ANK1: variants seen among roughly 807,000 people sequenced by gnomAD.
The protein encoded by ANK1 is ankyrin-1.
Under a neutral mutation model 210.4 loss-of-function variants are expected in ANK1, and 51 were observed. That is an observed-to-expected ratio of 0.24 (90% confidence interval 0.19 to 0.31). ANK1 has a LOEUF of 0.31. Among genes scored for constraint, ANK1 ranks in the 10% least tolerant of loss-of-function variants. The pLI is 1.00. For missense variants in ANK1, 2,051 were observed against 2,504.4 expected (o/e 0.82, Z 3.86); for synonymous variants, 967 against 1,025.9 (o/e 0.94, Z 1.10).
upstream of ANK1, among the ~76,000 whole-genome samples, chr8:41,801,968 T>G (rs1473038592): frequency 2.6e-5 from 4 of 152,226 alleles, no homozygotes; most frequent in Non-Finnish European, 4.4e-5. Flanking sequence ...ATATTTATTT[T>G]ATAGGGTTTT....
At chr8:41,655,793 A>G (rs1241911703) in intron 42 of ANK1, 40 bp from the exon 43 acceptor site, 2 of 1,607,058 alleles carry the variant, frequency 1.2e-6, no homozygotes, top group African/African-American at 1.3e-5. Flanking sequence ...TTAGAATGCA[A>G]AAGTGCAACG....
chr8:41,744,515 G>A (rs560307340), intron 2 of ANK1, among the ~76,000 whole-genome samples: 1 of 151,144 alleles, frequency 6.6e-6, no homozygotes, highest in East Asian at 2.0e-4. Flanking sequence ...CCAGGAGTGG[G>A]GAGGGAGCAT....
At chr8:41,678,076 C>A (rs1489185782) in intron 37 of ANK1, among the ~76,000 whole-genome samples, 1 of 152,070 alleles carries the variant, frequency 6.6e-6, no homozygotes, top group East Asian at 1.9e-4. Context: ...GTTCATCAAA[C>A]TTGTTGGATC....
rs1586241239 is a variant in ANK1, at chr8:41,702,133, T to G, written c.2307A>C (p.Thr769=). The change falls in exon 21 of 43, where the codon ACA becomes ACC. Residue 769 remains threonine, a synonymous_variant. Transcript: ENST00000289734. ...SPNEVSSDGT[T]PLAIAKRLGY... ...CCAAGCGCTTGGCTATGGCCAGAGGTGTGGTTCCATCCTGGGGAAAGAGCA... is the reference window on the plus strand; with the variant it reads ...CCAAGCGCTTGGCTATGGCCAGAGGGGTGGTTCCATCCTGGGGAAAGAGCA... 1 of 1,613,564 alleles carries G rather than the reference T, an allele frequency of 6.2e-7. No individual in the cohort carries two copies.
At chr8:41,764,308 G>A (rs145955372) in intron 1 of ANK1, among the ~76,000 whole-genome samples, 265 of 152,222 alleles carry the variant, frequency 1.7e-3, no homozygotes, top group African/African-American at 5.7e-3. Flanking sequence ...AGCCCCTACT[G>A]CCCATCTGTG....
At position 41,741,914 on chromosome 8, in the gene ANK1, T is replaced by C. The variant is rs185407795; in HGVS notation, c.130-7845A>G. Among the ~76,000 whole-genome samples, 11 of 152,344 alleles carry C rather than the reference T, an allele frequency of 7.2e-5. No individual in the cohort carries two copies. In the East Asian group the frequency reaches 1.7e-3, roughly 24 times the overall value. On this transcript the variant is annotated intron_variant, in intron 2 of 42. Transcript: ENST00000289734. ...GGTCCTAACATAGGAGATAACCTTTTAAGGCTCTTTTTGGCAAAAATCTTC... is the reference window on the plus strand; with the variant it reads ...GGTCCTAACATAGGAGATAACCTTTCAAGGCTCTTTTTGGCAAAAATCTTC...
chr8:41,720,139 T>C (rs1828877794), intron 9 of ANK1, among the ~76,000 whole-genome samples: 1 of 152,232 alleles, frequency 6.6e-6, no homozygotes, highest in Non-Finnish European at 1.5e-5. Flanking sequence ...TTTCCTTATC[T>C]GCACCATGCG....
chr8:41,687,267 A>G (rs1817942906), intron 35 of ANK1, among the ~76,000 whole-genome samples: 1 of 152,262 alleles, frequency 6.6e-6, no homozygotes. Context: ...GTTATAATTA[A>G]GCATTCACCA....
At chr8:41,746,848 C>A (rs1836278785) in intron 2 of ANK1, among the ~76,000 whole-genome samples, 1 of 149,354 alleles carries the variant, frequency 6.7e-6, no homozygotes. Flanking sequence ...AGCATCTATG[C>A]CCGAGATCTT....
intron 1 of ANK1, among the ~76,000 whole-genome samples, chr8:41,856,858 G>A (rs1812256518): frequency 6.7e-6 from 1 of 148,664 alleles, no homozygotes; most frequent in South Asian, 2.1e-4. Flanking sequence ...CTTTCGCCTT[G>A]GTGCTTAACA....
intron 1 of ANK1, chr8:41,828,371 T>C: frequency 6.5e-6 from 1 of 154,738 alleles, no homozygotes; most frequent in Middle Eastern, 5.2e-4. Context: ...CGACACTCCA[T>C]GAACTCTCAT....
At chr8:41,782,137 C>T (rs1845468081) in intron 1 of ANK1, among the ~76,000 whole-genome samples, 1 of 152,238 alleles carries the variant, frequency 6.6e-6, no homozygotes, top group South Asian at 2.1e-4. Context: ...CTCCATCTCA[C>T]TTGGGCCCGG....
chr8:41,869,251 CG>C (rs1217143472), intron 1 of ANK1, among the ~76,000 whole-genome samples: 3 of 152,180 alleles, frequency 2.0e-5, no homozygotes, highest in Non-Finnish European at 4.4e-5. Context: ...GGCAGGAGCC[CG>C]TTGCCCTCCT....
At chr8:41,768,800 CAAA>C (rs34057212) in intron 1 of ANK1, among the ~76,000 whole-genome samples, 406 of 130,866 alleles carry the variant, frequency 3.1e-3, no homozygotes, top group African/African-American at 0.01. Context: ...CCTGTCTCCA[CAAA>C]AAAAAAAAAA....
chr8:41,737,818 G>A (rs1563620318), intron 2 of ANK1, among the ~76,000 whole-genome samples: 1 of 152,176 alleles, frequency 6.6e-6, no homozygotes, highest in South Asian at 2.1e-4. Context: ...AAAAACACAT[G>A]GGGACGGGGC....
intron 1 of ANK1, among the ~76,000 whole-genome samples, chr8:41,758,456 C>G (rs1839697478): frequency 6.6e-6 from 1 of 152,176 alleles, no homozygotes; most frequent in African/African-American, 2.4e-5. Flanking sequence ...AGAGATCCTC[C>G]CAAGTAGCTG....
intron 41 of ANK1, 29 bp from the exon 42 acceptor site, chr8:41,661,593 G>A: frequency 6.2e-7 from 1 of 1,613,318 alleles, no homozygotes; most frequent in Non-Finnish European, 8.5e-7. Context: ...ACAGAAAGCA[G>A]GACAGATCGC....
At position 41,655,012 on chromosome 8, in the gene ANK1, C is replaced by G. The variant is rs1341720730; in HGVS notation, c.*778G>C. 1 of 152,418 alleles carries G rather than the reference C, an allele frequency of 6.6e-6. No individual in the cohort carries two copies. The highest frequency in any genetic ancestry group is 1.5e-5 in the Non-Finnish European group (1 of 68,066). 9.4% of individuals were successfully genotyped at this position (152,418 alleles called of 1,614,324 possible). On this transcript the variant is annotated 3_prime_UTR_variant, in exon 43 of 43. Coordinates refer to ENST00000289734, the MANE Select transcript of ANK1 (RefSeq NM_000037.4). ...AATGATTTTCCATTGGAAGATGATT[C>G]GTATTGAAATTGGCAGAGAGAGAGA...
At chr8:41,887,394 G>T (rs914166811) in intron 1 of ANK1, among the ~76,000 whole-genome samples, 3 of 151,672 alleles carry the variant, frequency 2.0e-5, no homozygotes, top group Non-Finnish European at 2.9e-5. Context: ...GGGACTACAG[G>T]CATGCCACCA....
Sources: gnomAD v4.1 joint callset for allele counts (sites outside exome capture counted in the v4.1 genomes callset) on GRCh38, gnomAD v4.1.1 for gene constraint, MANE v1.5 for transcripts, NCBI Gene and HGNC (gene_info 2026-07-23, HGNC 2026-07-21) for gene names.